Variants in DRC11 observed in about 807,000 individuals in gnomAD.
The protein encoded by DRC11 is IQ and AAA domain-containing protein 1.
At chr2:236,350,195 C>T in the DRC11 span, among the ~76,000 whole-genome samples, 1 of 152,178 alleles carries the variant, frequency 6.6e-6, no homozygotes, top group South Asian at 2.1e-4. This position sits in a 1 kb window ranked among gnomAD's most constrained non-coding sequence, Gnocchi z 5.2. Context: ...TTGAAAACGG[C>T]GGCTCCATTC....
At chr2:236,459,076 G>A in the DRC11 span, among the ~76,000 whole-genome samples, 1 of 151,916 alleles carries the variant, frequency 6.6e-6, no homozygotes, top group Non-Finnish European at 1.5e-5. Flanking sequence ...GATAAACTGA[G>A]AAGTCACTAT....
At chr2:236,404,656 A>G in the DRC11 span, among the ~76,000 whole-genome samples, 1 of 152,218 alleles carries the variant, frequency 6.6e-6, no homozygotes, top group Non-Finnish European at 1.5e-5. Flanking sequence ...CATTCCCAGC[A>G]CACCATGGGC....
the DRC11 span, among the ~76,000 whole-genome samples, chr2:236,353,953 T>C: frequency 5.7e-3 from 861 of 152,346 alleles, 26 homozygotes; most frequent in East Asian, 0.094. This position sits in a 1 kb window ranked among gnomAD's most constrained non-coding sequence, Gnocchi z 5.0. Flanking sequence ...TAAGTTTCTA[T>C]TTCCTTGTAA....
chr2:236,403,847 G>A, the DRC11 span, among the ~76,000 whole-genome samples: 73 of 151,716 alleles, frequency 4.8e-4, no homozygotes, highest in African/African-American at 1.5e-3. Flanking sequence ...CTGCCTCCCC[G>A]ATCCTCGCTC....
chr2:236,433,161 T>G, the DRC11 span, among the ~76,000 whole-genome samples: 2 of 152,148 alleles, frequency 1.3e-5, no homozygotes, highest in Non-Finnish European at 2.9e-5. Flanking sequence ...GAATATGTTT[T>G]CATACCTGGC....
the DRC11 span, among the ~76,000 whole-genome samples, chr2:236,440,570 A>T: frequency 6.6e-6 from 1 of 152,208 alleles, no homozygotes; most frequent in Non-Finnish European, 1.5e-5. Flanking sequence ...TTTCACTCGA[A>T]AAAAGGCAAG....
At chr2:236,408,856 C>A in the DRC11 span, 2 of 652,752 alleles carry the variant, frequency 3.1e-6, no homozygotes, top group Non-Finnish European at 5.6e-6. This position sits in a 1 kb window ranked among gnomAD's most constrained non-coding sequence, Gnocchi z 5.5. Context: ...ATAGTCACAG[C>A]CTCTACCACC....
At chr2:236,490,591 C>T in the DRC11 span, among the ~76,000 whole-genome samples, 1 of 152,014 alleles carries the variant, frequency 6.6e-6, no homozygotes, top group Non-Finnish European at 1.5e-5. This position sits in a 1 kb window ranked among gnomAD's most constrained non-coding sequence, Gnocchi z 5.5. Flanking sequence ...GAGTTAGTAT[C>T]GTATTTCTTT....
chr2:236,394,147 G>C, the DRC11 span, among the ~76,000 whole-genome samples: 21 of 152,224 alleles, frequency 1.4e-4, no homozygotes, highest in African/African-American at 5.1e-4. This position sits in a 1 kb window ranked among gnomAD's most constrained non-coding sequence, Gnocchi z 7.0. Context: ...CCCCTCGAGG[G>C]GAGAGGATAA....
At chr2:236,381,103 G>A in the DRC11 span, among the ~76,000 whole-genome samples, 1 of 152,166 alleles carries the variant, frequency 6.6e-6, no homozygotes, top group African/African-American at 2.4e-5. The surrounding 1 kb of genome is among the most constrained non-coding windows in gnomAD (Gnocchi z 5.8). Flanking sequence ...TAGGTCACAA[G>A]GGTTCCACTC....
the DRC11 span, among the ~76,000 whole-genome samples, chr2:236,373,973 C>T: frequency 1.3e-5 from 2 of 152,120 alleles, no homozygotes; most frequent in East Asian, 3.9e-4. Context: ...TGGGGTGGGT[C>T]ACCGCCCCAG....
chr2:236,405,134 G>T, the DRC11 span, among the ~76,000 whole-genome samples: 5 of 152,046 alleles, frequency 3.3e-5, no homozygotes, highest in African/African-American at 1.2e-4. The surrounding 1 kb of genome is among the most constrained non-coding windows in gnomAD (Gnocchi z 4.6). Flanking sequence ...TCAGACCATG[G>T]CACCCAACAA....
At chr2:236,468,623 A>C in the DRC11 span, among the ~76,000 whole-genome samples, 2 of 152,212 alleles carry the variant, frequency 1.3e-5, no homozygotes, top group East Asian at 3.8e-4. Flanking sequence ...ATCATTAAAA[A>C]TATCCAATTC....
chr2:236,357,089 T>TATATATTCGTATATTATATATCGATATA, the DRC11 span, among the ~76,000 whole-genome samples: 305 of 56,800 alleles, frequency 5.4e-3, 17 homozygotes, highest in Non-Finnish European at 9.6e-3. Context: ...ATCTATATAT[T>TATATATTCGTATATTATATATCGATATA]TTATATATTC....
At chr2:236,315,517 G>A in the DRC11 span, among the ~76,000 whole-genome samples, 43 of 152,250 alleles carry the variant, frequency 2.8e-4, 1 homozygote, top group East Asian at 7.9e-3. The surrounding 1 kb of genome is among the most constrained non-coding windows in gnomAD (Gnocchi z 5.1). Context: ...ATACCCAGAG[G>A]AATATAAATC....
the DRC11 span, chr2:236,497,328 C>T: frequency 6.2e-7 from 1 of 1,613,928 alleles, no homozygotes; most frequent in Non-Finnish European, 8.5e-7. This position sits in a 1 kb window ranked among gnomAD's most constrained non-coding sequence, Gnocchi z 5.1. Context: ...CGTAGACATT[C>T]TCTAGGTTTC....
At chr2:236,500,720 G>A in the DRC11 span, among the ~76,000 whole-genome samples, 7 of 152,132 alleles carry the variant, frequency 4.6e-5, no homozygotes, top group African/African-American at 1.7e-4. This position sits in a 1 kb window ranked among gnomAD's most constrained non-coding sequence, Gnocchi z 6.3. Flanking sequence ...TGTTTATTTT[G>A]AGATGCAGTT....
At chr2:236,464,433 CT>C in the DRC11 span, among the ~76,000 whole-genome samples, 1 of 152,144 alleles carries the variant, frequency 6.6e-6, no homozygotes, top group Non-Finnish European at 1.5e-5. Flanking sequence ...CTTTTCTTCC[CT>C]TCTTGAAATA....
the DRC11 span, among the ~76,000 whole-genome samples, chr2:236,350,829 C>T: frequency 6.6e-6 from 1 of 152,206 alleles, no homozygotes; most frequent in Non-Finnish European, 1.5e-5. The surrounding 1 kb of genome is among the most constrained non-coding windows in gnomAD (Gnocchi z 5.2). Flanking sequence ...TCTGGCTTTC[C>T]TGACCTTCCC....
Sources: gnomAD v4.1 joint callset for allele counts (sites outside exome capture counted in the v4.1 genomes callset) on GRCh38, gnomAD v4.1.1 for gene constraint, Gnocchi (gnomAD v3.1) non-coding constraint, MANE v1.5 for transcripts, NCBI Gene and HGNC (gene_info 2026-07-23, HGNC 2026-07-21) for gene names.